CNTN3: variants seen among roughly 807,000 people sequenced by gnomAD.
The protein encoded by CNTN3 is contactin-3.
Under a neutral mutation model 119.1 loss-of-function variants are expected in CNTN3, and 60 were observed. The ratio of observed to expected loss-of-function variants is 0.50; its 90% CI spans 0.41 to 0.62. The LOEUF is 0.62. CNTN3 is among the 20% of genes least tolerant of loss of function. The probability of loss-of-function intolerance (pLI) is 0.00; values close to 1 mark genes in which losing one functional copy is unlikely to be tolerated. For missense variants in CNTN3, 1,101 were observed against 1,242.4 expected (o/e 0.89, Z 1.71); for synonymous variants, 450 against 438.7 (o/e 1.03, Z -0.32).
In CNTN3 at chr3:74,614,656, C is replaced by G. The variant is rs1180037138; in HGVS notation, c.-346G>C. On this transcript the variant is annotated 5_prime_UTR_variant, in exon 1 of 23. Coordinates refer to ENST00000263665, the MANE Select transcript of CNTN3 (RefSeq NM_020872.3). ...GTGGCTGCTGCCGGCGCCTAGCGAG[C>G]ACTGCCCGTGCCTCCGCCACTCCGG... 6.7e-6 allele frequency among the ~76,000 whole-genome samples: 1 copy of G among 149,526 alleles called. No individual in the cohort carries two copies. Among genetic ancestry groups the G allele is most frequent in the Non-Finnish European group, 1.5e-5 (1 of 66,880 alleles).
intron 13 of CNTN3, among the ~76,000 whole-genome samples, chr3:74,320,995 G>T (rs977218690): frequency 6.7e-6 from 1 of 150,184 alleles, no homozygotes; most frequent in South Asian, 2.1e-4. Context: ...CAACATGGAT[G>T]CAGCTGGAAA....
intron 11 of CNTN3, among the ~76,000 whole-genome samples, chr3:74,359,050 C>T (rs1704016471): frequency 6.6e-6 from 1 of 151,972 alleles, no homozygotes; most frequent in African/African-American, 2.4e-5. Context: ...TTCTACCTTC[C>T]TCCTTGCTGT....
At chr3:74,365,445 T>A in intron 9 of CNTN3, 121 bp downstream of exon 9, 2 of 1,248,998 alleles carry the variant, frequency 1.6e-6, no homozygotes, top group Non-Finnish European at 1.2e-6. Context: ...TAAAGGAAAG[T>A]GTGCAAACTC....
chr3:74,590,746 C>T (rs997798336), intron 1 of CNTN3, among the ~76,000 whole-genome samples: 2 of 151,936 alleles, frequency 1.3e-5, no homozygotes, highest in South Asian at 2.1e-4. Flanking sequence ...CATAAAGATG[C>T]AACTTTTATG....
intron 1 of CNTN3, among the ~76,000 whole-genome samples, chr3:74,580,535 G>T (rs371290216): frequency 2.6e-5 from 4 of 151,928 alleles, no homozygotes; most frequent in Admixed American, 2.6e-4. Context: ...AAACACATTC[G>T]TATATTTTAA....
intron 11 of CNTN3, among the ~76,000 whole-genome samples, chr3:74,349,833 T>C (rs939447804): frequency 2.0e-5 from 3 of 152,142 alleles, no homozygotes; most frequent in Non-Finnish European, 4.4e-5. Flanking sequence ...CAAAAGAATA[T>C]GGTATGGGTA....
intron 1 of CNTN3, among the ~76,000 whole-genome samples, chr3:74,556,306 T>C (rs953476222): frequency 5.3e-5 from 8 of 152,298 alleles, no homozygotes; most frequent in Admixed American, 4.6e-4. Flanking sequence ...GGCTCCCCTC[T>C]TCTCTTCTCC....
At chr3:74,546,197 G>A (rs535709941) in intron 1 of CNTN3, among the ~76,000 whole-genome samples, 8 of 152,092 alleles carry the variant, frequency 5.3e-5, no homozygotes, top group African/African-American at 7.2e-5. Context: ...GGGTTTCACC[G>A]TGTTAACCAG....
At chr3:74,588,479 T>G (rs1374692923) in intron 1 of CNTN3, among the ~76,000 whole-genome samples, 3 of 151,944 alleles carry the variant, frequency 2.0e-5, no homozygotes, top group Non-Finnish European at 2.9e-5. Flanking sequence ...TGGAAGAACA[T>G]TCCATGCTCA....
intron 3 of CNTN3, among the ~76,000 whole-genome samples, chr3:74,495,891 T>C (rs985260910): frequency 6.6e-6 from 1 of 152,058 alleles, no homozygotes; most frequent in Admixed American, 6.6e-5. Flanking sequence ...TGAAAGAGAA[T>C]AACGTTCTGT....
intron 4 of CNTN3, among the ~76,000 whole-genome samples, chr3:74,462,185 G>A (rs1331499253): frequency 6.6e-6 from 1 of 151,988 alleles, no homozygotes; most frequent in Admixed American, 6.6e-5. Flanking sequence ...CGCCATGATT[G>A]TAAGTTTCCT....
At chr3:74,457,036 T>C (rs534495783) in intron 4 of CNTN3, among the ~76,000 whole-genome samples, 30 of 152,200 alleles carry the variant, frequency 2.0e-4, no homozygotes, top group African/African-American at 7.0e-4. Flanking sequence ...AATGGTCAAA[T>C]TTATTTTAAG....
At position 74,393,483 on chromosome 3, in the gene CNTN3, C is replaced by T. The variant is rs533576093; in HGVS notation, c.455-22084G>A. ...CTGGTATATTTTTTGAAGCATGTGA[C>T]CTTCCCTTTCTTGATGATTTGCAGA... On this transcript the variant is annotated intron_variant, in intron 5 of 22. Coordinates refer to ENST00000263665, the MANE Select transcript of CNTN3 (RefSeq NM_020872.3). Among the ~76,000 whole-genome samples the T allele has an allele frequency of 1.1e-4, 17 of 152,310 alleles. No homozygotes were observed. In the South Asian group the frequency reaches 3.1e-3, roughly 28 times the overall value.
intron 4 of CNTN3, among the ~76,000 whole-genome samples, chr3:74,425,644 C>T (rs1333278074): frequency 6.6e-6 from 1 of 152,126 alleles, no homozygotes; most frequent in Non-Finnish European, 1.5e-5. Flanking sequence ...TCACATTCAC[C>T]AGTGATTCAC....
intron 19 of CNTN3, among the ~76,000 whole-genome samples, chr3:74,293,298 A>G (rs1248319679): frequency 6.6e-6 from 1 of 152,106 alleles, no homozygotes; most frequent in African/African-American, 2.4e-5. Context: ...TTCTTTTCTT[A>G]ATTTTTTAAT....
intron 5 of CNTN3, among the ~76,000 whole-genome samples, chr3:74,398,576 C>T (rs1037670439): frequency 6.6e-6 from 1 of 152,054 alleles, no homozygotes; most frequent in Non-Finnish European, 1.5e-5. Context: ...AGATGGGTCC[C>T]AGACCACAAT....
intron 1 of CNTN3, among the ~76,000 whole-genome samples, chr3:74,561,628 C>T (rs925706671): frequency 6.6e-6 from 1 of 152,132 alleles, no homozygotes; most frequent in African/African-American, 2.4e-5. Context: ...CCCCTCACGT[C>T]CCCCACTACA....
intron 1 of CNTN3, among the ~76,000 whole-genome samples, chr3:74,541,339 G>T (rs553062530): frequency 6.6e-6 from 1 of 151,974 alleles, no homozygotes; most frequent in Non-Finnish European, 1.5e-5. Context: ...AACATAAACC[G>T]ATGTCCTTCA....
intron 13 of CNTN3, among the ~76,000 whole-genome samples, chr3:74,315,862 G>T (rs1341664506): frequency 6.6e-6 from 1 of 151,978 alleles, no homozygotes; most frequent in African/African-American, 2.4e-5. Flanking sequence ...AAAATCCTAG[G>T]AAACACCCTA....
Sources: gnomAD v4.1 joint callset for allele counts (sites outside exome capture counted in the v4.1 genomes callset) on GRCh38, gnomAD v4.1.1 for gene constraint, MANE v1.5 for transcripts, NCBI Gene and HGNC (gene_info 2026-07-23, HGNC 2026-07-21) for gene names.